ANKRD11: variants seen among roughly 807,000 people sequenced by gnomAD.
The protein encoded by ANKRD11 is ankyrin repeat domain-containing protein 11.
In ANKRD11, 17 loss-of-function variants were observed where a neutral mutation model predicts 195.7. That is an observed-to-expected ratio of 0.09 (90% CI 0.06 to 0.13). ANKRD11 has a LOEUF of 0.13. ANKRD11 is among the 10% of genes least tolerant of loss of function. The pLI is 1.00. For synonymous variants in ANKRD11, 1,953 were observed against 1,528.1 expected (o/e 1.28, Z -6.49); for missense variants, 3,735 against 3,566.1 (o/e 1.05, Z -1.21).
chr16:89,270,405 C>G, intron 12 of ANKRD11: 1 of 303,634 alleles, frequency 3.3e-6, no homozygotes, highest in East Asian at 8.5e-5. Flanking sequence ...GTGAGCAGCC[C>G]TCGCGACCGG....
rs796633721 is a variant in ANKRD11, at chr16:89,346,087, C to CA, written c.-59-29010dup. On this transcript the variant is annotated intron_variant, in intron 2 of 12. Coordinates refer to ENST00000301030, the MANE Select transcript of ANKRD11 (RefSeq NM_013275.6). ...AATGACCCTGTCTCCACTAACAACA[C>CA]AAAAAAAAAAAATTAGCCGGGCGTG... Among the ~76,000 whole-genome samples the CA allele has an allele frequency of 6.8e-3, 969 of 142,216 alleles. 9 individuals carry two copies. Among genetic ancestry groups the CA allele is most frequent in the Middle Eastern group, 0.021 (6 of 280 alleles). The allele number at this position is 142,216 out of a possible 152,430, so 93.3% of individuals were successfully genotyped here.
chr16:89,280,375 T>G lies in ANKRD11; in HGVS notation c.6167A>C (p.Tyr2056Ser). The part of the protein sequence containing the change: ...AAISTSEAAP[Y>S]APPSGLESFF... ...GGACTCCAGCCCGGAGGGAGGGGCG[T>G]AGGGAGCCGCCTCTGAGGTGGAGAT... is the stretch of plus-strand genomic sequence containing the variant. Residue 2056 changes from tyrosine (Y) to serine (S), a missense_variant, in exon 9 of 13, where the codon TAC becomes TCC. Physicochemically the swap from Tyr to Ser is moderately radical, Grantham distance 144. Coordinates refer to ENST00000301030, the MANE Select transcript of ANKRD11 (RefSeq NM_013275.6). 6.4e-7 allele frequency: 1 copy of G among 1,562,664 alleles called. No homozygotes were observed. The highest frequency in any genetic ancestry group is 8.7e-7 in the Non-Finnish European group (1 of 1,155,438).
intron 2 of ANKRD11, among the ~76,000 whole-genome samples, chr16:89,417,546 CAGG>C (rs1227561076): frequency 4.6e-5 from 7 of 152,286 alleles, no homozygotes; most frequent in South Asian, 2.1e-4. Flanking sequence ...CAGTGACTCC[CAGG>C]AGGAGGCAAG....
At chr16:89,382,760 G>C (rs2040717881) in intron 2 of ANKRD11, among the ~76,000 whole-genome samples, 1 of 152,194 alleles carries the variant, frequency 6.6e-6, no homozygotes, top group Non-Finnish European at 1.5e-5. Flanking sequence ...GATTATAGGT[G>C]TGAGTCAACT....
At chr16:89,413,138 G>A (rs935236196) in intron 2 of ANKRD11, among the ~76,000 whole-genome samples, 5 of 152,318 alleles carry the variant, frequency 3.3e-5, no homozygotes, top group South Asian at 4.1e-4. Context: ...TAACTTAAAT[G>A]ACACAGCATC....
At chr16:89,448,985 A>G (rs1216572920) in intron 1 of ANKRD11, among the ~76,000 whole-genome samples, 1 of 152,220 alleles carries the variant, frequency 6.6e-6, no homozygotes, top group Non-Finnish European at 1.5e-5. Flanking sequence ...ATCAACCATC[A>G]TAAAGCAGCT....
At chr16:89,316,060 C>T (rs1260667249) in intron 3 of ANKRD11, among the ~76,000 whole-genome samples, 1 of 152,074 alleles carries the variant, frequency 6.6e-6, no homozygotes, top group Non-Finnish European at 1.5e-5. Context: ...GCCTGCCACA[C>T]TGGCCAAGAA....
intron 2 of ANKRD11, among the ~76,000 whole-genome samples, chr16:89,350,668 G>C (rs1256545458): frequency 2.0e-5 from 3 of 152,212 alleles, no homozygotes; most frequent in Non-Finnish European, 4.4e-5. Flanking sequence ...AAAGAGGAAA[G>C]GGGGAACTTT....
chr16:89,308,822 A>G (rs1484261597), intron 3 of ANKRD11, among the ~76,000 whole-genome samples: 2 of 152,114 alleles, frequency 1.3e-5, no homozygotes. Context: ...GCACACCATG[A>G]GAACGGGGAC....
intron 2 of ANKRD11, among the ~76,000 whole-genome samples, chr16:89,408,811 T>C (rs1405072054): frequency 2.0e-5 from 3 of 152,134 alleles, no homozygotes; most frequent in African/African-American, 4.8e-5. Flanking sequence ...ATTCCTCTTG[T>C]AATAAAAATA....
rs576051711 is a variant in ANKRD11, at chr16:89,285,894, G to A, written c.892+145C>T. 2.1e-5 allele frequency: 27 copies of A among 1,294,970 alleles called. No homozygotes were observed. Among genetic ancestry groups the A allele is most frequent in the Non-Finnish European group, 2.5e-5 (23 of 915,062 alleles). 80.2% of individuals were successfully genotyped at this position (1,294,970 alleles called of 1,614,324 possible). A position where few individuals can be genotyped will look rare whatever the true frequency, so the allele number is the denominator to read the frequency against. On this transcript the variant is annotated intron_variant, in intron 8 of 12. Transcript: ENST00000301030. The surrounding 1 kb of genome is among the most constrained non-coding windows in gnomAD (Gnocchi z 5.6). The stretch of plus-strand genomic sequence containing the variant: ...CTTCTCGGCAGTGACACACCTGGGC[G>A]GGGTCTCCCGCAGTCCAGAAGCTCC...
At chr16:89,402,036 G>A (rs2041713947) in intron 2 of ANKRD11, among the ~76,000 whole-genome samples, 2 of 150,882 alleles carry the variant, frequency 1.3e-5, no homozygotes, top group Admixed American at 1.3e-4. Context: ...GAAAGCTCCT[G>A]GTCTGTGGTG....
chr16:89,445,344 G>A (rs865834749), intron 1 of ANKRD11, among the ~76,000 whole-genome samples: 3 of 152,306 alleles, frequency 2.0e-5, no homozygotes, highest in Middle Eastern at 3.4e-3. Flanking sequence ...ACCACTGGCT[G>A]AGCAAATTCA....
chr16:89,440,340 G>T (rs559693027), intron 1 of ANKRD11, among the ~76,000 whole-genome samples: 1 of 152,218 alleles, frequency 6.6e-6, no homozygotes, highest in Non-Finnish European at 1.5e-5. Flanking sequence ...CAGCGTGGTG[G>T]CTCAGGCCTG....
intron 2 of ANKRD11, among the ~76,000 whole-genome samples, chr16:89,323,591 G>T (rs1231326539): frequency 1.4e-5 from 1 of 71,292 alleles, no homozygotes; most frequent in Non-Finnish European, 3.6e-5. Flanking sequence ...GCCCAGGGCA[G>T]GGGGGCTGAG....
At chr16:89,472,573 G>A (rs1308077654) in intron 1 of ANKRD11, among the ~76,000 whole-genome samples, 1 of 152,128 alleles carries the variant, frequency 6.6e-6, no homozygotes, top group Non-Finnish European at 1.5e-5. Flanking sequence ...AGGCTGGAGG[G>A]CAGTGGCACA....
intron 2 of ANKRD11, among the ~76,000 whole-genome samples, chr16:89,340,859 G>C (rs1211041490): frequency 6.6e-6 from 1 of 152,128 alleles, no homozygotes; most frequent in Non-Finnish European, 1.5e-5. Flanking sequence ...CACAGCTTTT[G>C]CCCAATTCTC....
rs770362601 is a variant in ANKRD11, at chr16:89,283,358, T to A, written c.3184A>T (p.Thr1062Ser). 6.2e-7 allele frequency: 1 copy of A among 1,613,872 alleles called. No homozygotes were observed. The highest frequency in any genetic ancestry group is 8.5e-7 in the Non-Finnish European group (1 of 1,180,040). The change falls in exon 9 of 13, where the codon ACC (threonine) becomes TCC (serine). Residue 1062 changes from threonine (T) to serine (S), a missense_variant. Transcript: ENST00000301030. This position sits in a 1 kb window ranked among gnomAD's most constrained non-coding sequence, Gnocchi z 4.3. ...FDKCFKEKKD[T>S]KEKHKDTHGK... Reference sequence around the variant, plus strand: ...TGTGTGTCTTTATGTTTTTCCTTGGTATCTTTTTTCTCTTTAAAACATTTA... The same window carrying A: ...TGTGTGTCTTTATGTTTTTCCTTGGAATCTTTTTTCTCTTTAAAACATTTA...
chr16:89,349,622 AACCTT>A (rs1400911492), intron 2 of ANKRD11, among the ~76,000 whole-genome samples: 1 of 152,160 alleles, frequency 6.6e-6, no homozygotes, highest in Non-Finnish European at 1.5e-5. Flanking sequence ...AAAAACCTCT[AACCTT>A]ACCTTATGCC....
Sources: gnomAD v4.1 joint callset for allele counts (sites outside exome capture counted in the v4.1 genomes callset) on GRCh38, gnomAD v4.1.1 for gene constraint, Gnocchi (gnomAD v3.1) non-coding constraint, MANE v1.5 for transcripts, NCBI Gene and HGNC (gene_info 2026-07-23, HGNC 2026-07-21) for gene names.